CDH1: variants seen among roughly 807,000 people sequenced by gnomAD.
CDH1 encodes the protein cadherin-1.
CDH1 carries 35 observed loss-of-function variants against 84.5 expected under a neutral mutation model. That is an observed-to-expected ratio of 0.41 (90% CI 0.32 to 0.55). CDH1 has a LOEUF of 0.55. Ranked by LOEUF, CDH1 falls within the 20% of genes least tolerant of loss-of-function variation. The probability of loss-of-function intolerance (pLI) is 0.19; values close to 1 mark genes in which losing one functional copy is unlikely to be tolerated. For synonymous variants in CDH1, 417 were observed against 439.0 expected (o/e 0.95, Z 0.63); for missense variants, 994 against 1,126.6 (o/e 0.88, Z 1.68).
rs1555509828 is a variant in CDH1, at chr16:68,738,936, C to CTTTTTTTTT, written c.163+545_163+553dup. ...TGGCTTTTGTTTACAGATATAAAAG[C>CTTTTTTTTT]TTTTTTTTTTTTTTTTTTTTTTTTT... On this transcript the variant is annotated intron_variant, in intron 2 of 15. Coordinates refer to ENST00000261769, the MANE Select transcript of CDH1 (RefSeq NM_004360.5). 6.1e-3 allele frequency among the ~76,000 whole-genome samples: 70 copies of CTTTTTTTTT among 11,438 alleles called. 21 individuals carry two copies. The highest frequency in any genetic ancestry group is 0.016 in the African/African-American group (67 of 4,304). 7.5% of individuals were successfully genotyped at this position (11,438 alleles called of 152,430 possible).
intron 5 of CDH1, among the ~76,000 whole-genome samples, chr16:68,809,231 T>C (rs968331776): frequency 1.4e-4 from 21 of 151,368 alleles, no homozygotes; most frequent in Non-Finnish European, 5.9e-5. Flanking sequence ...GAGGTCTTTT[T>C]TTTTTTTTTT....
intron 2 of CDH1, among the ~76,000 whole-genome samples, chr16:68,791,832 A>T (rs34602186): frequency 0.017 from 2,600 of 152,322 alleles, 37 homozygotes; most frequent in Non-Finnish European, 0.025. Context: ...GATGCTTGAC[A>T]AAGAGAGTAA....
chr16:68,762,954 A>G (rs565403060), intron 2 of CDH1, among the ~76,000 whole-genome samples: 1 of 146,764 alleles, frequency 6.8e-6, no homozygotes, highest in African/African-American at 2.5e-5. Flanking sequence ...GCCCCAAACC[A>G]GCTGAGCTTA....
chr16:68,740,568 TG>T (rs1165017335), intron 2 of CDH1, among the ~76,000 whole-genome samples: 3 of 151,922 alleles, frequency 2.0e-5, no homozygotes, highest in Non-Finnish European at 2.9e-5. Flanking sequence ...AGCATGCGTC[TG>T]GGGTGTCCCA....
Position 68,755,857 on chromosome 16 carries a change from G to A in CDH1, c.163+17446G>A, listed in dbSNP as rs528344828. On this transcript the variant is annotated intron_variant, in intron 2 of 15. Transcript: ENST00000261769. The stretch of plus-strand genomic sequence containing the variant: ...CGGCTCATTGCAACCTCTGCCTCCC[G>A]GGTTCAAGCGATTCTCCCACCTCAG... Among the ~76,000 whole-genome samples, 13 of 150,884 alleles carry A rather than the reference G, an allele frequency of 8.6e-5. No homozygotes were observed. In the East Asian group the frequency reaches 1.6e-3, roughly 18 times the overall value.
intron 2 of CDH1, among the ~76,000 whole-genome samples, chr16:68,740,417 G>A (rs1028324525): frequency 2.0e-5 from 3 of 152,068 alleles, no homozygotes; most frequent in African/African-American, 7.2e-5. Context: ...GGGCTCAAGT[G>A]ATTCACCCGC....
chr16:68,824,842 T>A (rs1032203042), intron 13 of CDH1, among the ~76,000 whole-genome samples: 2 of 152,204 alleles, frequency 1.3e-5, no homozygotes, highest in African/African-American at 4.8e-5. Context: ...AAACAGACTA[T>A]GTGCATCAAA....
intron 14 of CDH1, among the ~76,000 whole-genome samples, chr16:68,829,154 G>C (rs748075079): frequency 1.3e-5 from 2 of 152,200 alleles, no homozygotes. Flanking sequence ...GGGCTCAGCA[G>C]ATTTAGGCAG....
Position 68,801,765 on chromosome 16 carries a change from A to T in CDH1, c.259A>T (p.Arg87Trp). The T allele has an allele frequency of 1.9e-6, 3 of 1,614,114 alleles. No homozygotes were observed. The highest frequency in any genetic ancestry group is 2.5e-6 in the Non-Finnish European group (3 of 1,179,954). Residue 87 changes from arginine to tryptophan, a missense_variant, in exon 3 of 16, where the codon AGG becomes TGG. By Grantham distance (101) the Arg-to-Trp change is moderately radical. Coordinates refer to ENST00000261769, the MANE Select transcript of CDH1 (RefSeq NM_004360.5). ...VGTDGVITVK[R>W]PLRFHNPQIH... ...CACAGATGGTGTGATTACAGTCAAAAGGCCTCTACGGTTTCATAACCCACA... is the reference window on the plus strand; with the variant it reads ...CACAGATGGTGTGATTACAGTCAAATGGCCTCTACGGTTTCATAACCCACA...
At chr16:68,802,811 A>G (rs1459312679) in intron 3 of CDH1, among the ~76,000 whole-genome samples, 1 of 152,128 alleles carries the variant, frequency 6.6e-6, no homozygotes. Flanking sequence ...TTGTGCTTCC[A>G]GTAAGAAGAG....
chr16:68,826,001 G>A (rs1961313504), intron 13 of CDH1, among the ~76,000 whole-genome samples: 1 of 151,654 alleles, frequency 6.6e-6, no homozygotes. Flanking sequence ...ATATTTTTTT[G>A]TAGAAACAGT....
At chr16:68,786,298 A>G (rs1168811446) in intron 2 of CDH1, among the ~76,000 whole-genome samples, 1 of 151,802 alleles carries the variant, frequency 6.6e-6, no homozygotes, top group Admixed American at 6.6e-5. Flanking sequence ...CAGCCTCCCA[A>G]GTAGCTGGGA....
intron 2 of CDH1, among the ~76,000 whole-genome samples, chr16:68,744,189 G>A (rs1188494409): frequency 6.6e-6 from 1 of 152,156 alleles, no homozygotes; most frequent in Non-Finnish European, 1.5e-5. Flanking sequence ...AGCCCTTAAG[G>A]TTGATTGTAA....
chr16:68,825,696 G>C (rs1961302242), intron 13 of CDH1, among the ~76,000 whole-genome samples: 1 of 152,018 alleles, frequency 6.6e-6, no homozygotes, highest in African/African-American at 2.4e-5. Flanking sequence ...CCTTGGGCAG[G>C]GTAACACAAG....
At chr16:68,807,321 T>C (rs1960691969) in intron 3 of CDH1, among the ~76,000 whole-genome samples, 1 of 152,136 alleles carries the variant, frequency 6.6e-6, no homozygotes, top group Admixed American at 6.6e-5. Flanking sequence ...GTACAAGTTC[T>C]CAAAATCTAC....
At chr16:68,787,330 AG>A (rs1447443921) in intron 2 of CDH1, among the ~76,000 whole-genome samples, 1 of 152,146 alleles carries the variant, frequency 6.6e-6, no homozygotes, top group Non-Finnish European at 1.5e-5. Context: ...CCTGACCTTG[AG>A]CAAATGACTT....
intron 2 of CDH1, among the ~76,000 whole-genome samples, chr16:68,754,850 T>C (rs1962978397): frequency 6.6e-6 from 1 of 152,106 alleles, no homozygotes; most frequent in Admixed American, 6.6e-5. Context: ...GACAGGTAGA[T>C]GGTGATGTAT....
rs539202799 is a variant in CDH1 at position 68,792,896 on chromosome 16, C to T, written c.164-8774C>T. 1.5e-3 allele frequency among the ~76,000 whole-genome samples: 231 copies of T among 152,334 alleles called. 2 individuals are homozygous for T. Among genetic ancestry groups the T allele is most frequent in the Non-Finnish European group, 1.4e-3 (97 of 68,048 alleles). On this transcript the variant is annotated intron_variant, in intron 2 of 15. Transcript: ENST00000261769. ...CTTTGCTCCCTGCTTCCCATCCAGGCAGCGTTCGTTGTTGACATCTGTTTT... is the reference window on the plus strand; with the variant it reads ...CTTTGCTCCCTGCTTCCCATCCAGGTAGCGTTCGTTGTTGACATCTGTTTT...
chr16:68,781,984 A>G (rs185665223), intron 2 of CDH1, among the ~76,000 whole-genome samples: 1 of 152,346 alleles, frequency 6.6e-6, no homozygotes, highest in East Asian at 1.9e-4. Flanking sequence ...ACCGCAGCCC[A>G]GGAAACTCCT....
Sources: allele counts gnomAD v4.1 joint callset (sites outside exome capture counted in the v4.1 genomes callset), GRCh38; gene constraint gnomAD v4.1.1; transcripts MANE v1.5; gene names NCBI Gene and HGNC (gene_info 2026-07-23, HGNC 2026-07-21).